Variants in KCNH7 observed in about 807,000 individuals in gnomAD.
The protein encoded by KCNH7 is voltage-gated inwardly rectifying potassium channel KCNH7.
KCNH7 carries 49 observed loss-of-function variants against 120.8 expected under a neutral mutation model. That is an observed-to-expected ratio of 0.41 (90% confidence interval 0.32 to 0.51). The LOEUF is 0.51. KCNH7 is among the 20% of genes least tolerant of loss of function. The pLI, the probability that KCNH7 is intolerant of heterozygous loss-of-function variation, is 0.38. For synonymous variants in KCNH7, 547 were observed against 516.1 expected (o/e 1.06, Z -0.81); for missense variants, 1,097 against 1,446.6 (o/e 0.76, Z 3.92).
At chr2:162,581,609 T>TA (rs200018038) in intron 2 of KCNH7, among the ~76,000 whole-genome samples, 7 of 151,560 alleles carry the variant, frequency 4.6e-5, no homozygotes, top group African/African-American at 1.5e-4. Flanking sequence ...AGATTTTTTT[T>TA]AAAAGTGTAT....
chr2:162,475,485 T>A (rs1448907059), intron 6 of KCNH7, among the ~76,000 whole-genome samples: 2 of 152,218 alleles, frequency 1.3e-5, no homozygotes, highest in African/African-American at 4.8e-5. Context: ...GCCAGTTCCA[T>A]ATTTGGGTGT....
intron 2 of KCNH7, among the ~76,000 whole-genome samples, chr2:162,824,666 A>G (rs1282572573): frequency 6.6e-6 from 1 of 152,094 alleles, no homozygotes; most frequent in East Asian, 1.9e-4. Context: ...ACTGTGTTAT[A>G]ATTCTGTTGC....
intron 3 of KCNH7, among the ~76,000 whole-genome samples, chr2:162,534,828 C>T (rs1035868381): frequency 3.3e-5 from 5 of 151,544 alleles, no homozygotes; most frequent in Non-Finnish European, 7.4e-5. Context: ...GATCAATCTC[C>T]CTATTGGATA....
intron 2 of KCNH7, among the ~76,000 whole-genome samples, chr2:162,714,415 G>T (rs1381632867): frequency 6.6e-6 from 1 of 152,152 alleles, no homozygotes; most frequent in African/African-American, 2.4e-5. Flanking sequence ...GGAAAATAAG[G>T]TATGTATTAA....
intron 2 of KCNH7, among the ~76,000 whole-genome samples, chr2:162,753,837 T>G (rs1286737340): frequency 3.9e-5 from 6 of 152,108 alleles, no homozygotes; most frequent in African/African-American, 1.2e-4. Flanking sequence ...TCTCTTTCTC[T>G]TAAAAACTCA....
At chr2:162,471,838 A>T (rs181741086) in intron 6 of KCNH7, among the ~76,000 whole-genome samples, 114 of 152,292 alleles carry the variant, frequency 7.5e-4, no homozygotes, top group African/African-American at 2.6e-3. Flanking sequence ...CTTCAAACTA[A>T]ACTACAAGGC....
At chr2:162,837,595 T>C (rs1197085357) in intron 1 of KCNH7, among the ~76,000 whole-genome samples, 1 of 152,160 alleles carries the variant, frequency 6.6e-6, no homozygotes, top group Non-Finnish European at 1.5e-5. Context: ...AGTGCTGAAA[T>C]AACCGCAAAA....
chr2:162,607,220 C>CAAAAAAAAAAA (rs34786286), intron 2 of KCNH7, among the ~76,000 whole-genome samples: 1 of 111,968 alleles, frequency 8.9e-6, no homozygotes, highest in Non-Finnish European at 2.0e-5. Flanking sequence ...ACTAAAAATA[C>CAAAAAAAAAAA]AAAAAAAAAA....
At chr2:162,700,805 T>G (rs1686468275) in intron 2 of KCNH7, among the ~76,000 whole-genome samples, 1 of 152,234 alleles carries the variant, frequency 6.6e-6, no homozygotes, top group African/African-American at 2.4e-5. Flanking sequence ...ATTGGAAGAT[T>G]GTTGCTCATT....
At chr2:162,654,189 A>C (rs1476275488) in intron 2 of KCNH7, among the ~76,000 whole-genome samples, 2 of 152,028 alleles carry the variant, frequency 1.3e-5, no homozygotes, top group Non-Finnish European at 2.9e-5. Context: ...CAAAGGAAAC[A>C]ATCATTAGAG....
intron 3 of KCNH7, among the ~76,000 whole-genome samples, chr2:162,527,413 T>C (rs181732762): frequency 1.4e-4 from 21 of 152,128 alleles, no homozygotes; most frequent in African/African-American, 5.1e-4. Flanking sequence ...CAGTGGAGAA[T>C]AGTAAAAACA....
At chr2:162,694,041 A>T (rs1465645651) in intron 2 of KCNH7, among the ~76,000 whole-genome samples, 1 of 152,212 alleles carries the variant, frequency 6.6e-6, no homozygotes, top group African/African-American at 2.4e-5. Context: ...GAAAGGTATT[A>T]TACCAGTATA....
At position 162,446,010 on chromosome 2, in the gene KCNH7, G is replaced by T. The variant is rs1309219294; in HGVS notation, c.1554+8C>A. 6.2e-7 allele frequency: 1 copy of T among 1,603,136 alleles called. No homozygotes were observed. Among genetic ancestry groups the T allele is most frequent in the Non-Finnish European group, 8.5e-7 (1 of 1,173,078 alleles). On this transcript the variant is annotated splice_region_variant and intron_variant, in intron 7 of 15. Transcript: ENST00000332142. ...TTTCAGAAAATAAGAATCTTAAGCA[G>T]TTCTTACCTCATCAGAACCTGATCC...
At chr2:162,546,722 C>A (rs2105848091) in intron 2 of KCNH7, among the ~76,000 whole-genome samples, 1 of 152,046 alleles carries the variant, frequency 6.6e-6, no homozygotes, top group African/African-American at 2.4e-5. Flanking sequence ...TAATTCATAG[C>A]TTAGAATGAA....
At chr2:162,482,000 T>TATCATCA (rs1229712454) in intron 6 of KCNH7, among the ~76,000 whole-genome samples, 25 of 127,014 alleles carry the variant, frequency 2.0e-4, no homozygotes, top group African/African-American at 5.5e-4. Flanking sequence ...ATCATCAATC[T>TATCATCA]ATCTATTATC....
chr2:162,419,435 A>G (rs1215278323), intron 9 of KCNH7, among the ~76,000 whole-genome samples: 3 of 152,098 alleles, frequency 2.0e-5, no homozygotes. Context: ...CACATTTAGC[A>G]TATTTGAGTT....
chr2:162,712,765 G>A (rs1017778040), intron 2 of KCNH7, among the ~76,000 whole-genome samples: 2 of 152,118 alleles, frequency 1.3e-5, no homozygotes, highest in East Asian at 1.9e-4. Flanking sequence ...CATTTAAAAA[G>A]CATAGAAGCC....
At chr2:162,797,542 T>C (rs1684188238) in intron 2 of KCNH7, 1 of 152,068 alleles carries the variant, frequency 6.6e-6, no homozygotes, top group African/African-American at 2.4e-5. Context: ...ACAAAGGCAT[T>C]TAAATTTTAA....
At chr2:162,404,393 A>C (rs1275712927) in intron 9 of KCNH7, among the ~76,000 whole-genome samples, 2 of 151,950 alleles carry the variant, frequency 1.3e-5, no homozygotes, top group Non-Finnish European at 2.9e-5. Flanking sequence ...ATTTGCTAAA[A>C]GAATGCTAGA....
Sources: gnomAD v4.1 joint callset for allele counts (sites outside exome capture counted in the v4.1 genomes callset) on GRCh38, gnomAD v4.1.1 for gene constraint, MANE v1.5 for transcripts, NCBI Gene and HGNC (gene_info 2026-07-23, HGNC 2026-07-21) for gene names.